LSAMP: variants seen among roughly 807,000 people sequenced by gnomAD.
The protein encoded by LSAMP is limbic system-associated membrane protein.
A neutral mutation model predicts 38.6 loss-of-function variants in LSAMP; 7 were observed. The observed-to-expected ratio is 0.18, with a 90% CI of 0.10 to 0.34. The LOEUF is 0.34. Ranked by LOEUF, LSAMP falls within the 10% of genes least tolerant of loss-of-function variation. The probability of loss-of-function intolerance (pLI) is 1.00; values close to 1 mark genes in which losing one functional copy is unlikely to be tolerated. For synonymous variants in LSAMP, 154 were observed against 166.8 expected (o/e 0.92, Z 0.59); for missense variants, 313 against 420.0 (o/e 0.75, Z 2.23).
chr3:116,225,373 G>T (rs2046331413), intron 1 of LSAMP, among the ~76,000 whole-genome samples: 3 of 152,130 alleles, frequency 2.0e-5, no homozygotes, highest in Admixed American at 2.0e-4. Context: ...AGTCGCAAGA[G>T]GAAAAGGAAG....
chr3:116,014,788 A>C (rs1940429657), intron 3 of LSAMP, among the ~76,000 whole-genome samples: 1 of 152,242 alleles, frequency 6.6e-6, no homozygotes, highest in Non-Finnish European at 1.5e-5. Context: ...TGTTACTTGC[A>C]ACAGGTACTT....
intron 3 of LSAMP, among the ~76,000 whole-genome samples, chr3:115,867,453 A>T (rs1314473547): frequency 2.0e-5 from 3 of 152,158 alleles, no homozygotes; most frequent in Non-Finnish European, 4.4e-5. Context: ...CCCTTTTGAC[A>T]GATGGCTTTA....
At chr3:116,209,239 T>C (rs899014945) in intron 1 of LSAMP, among the ~76,000 whole-genome samples, 28 of 152,330 alleles carry the variant, frequency 1.8e-4, no homozygotes, top group African/African-American at 6.7e-4. Context: ...AGTGAGGCAA[T>C]GCCTCGCCCT....
At chr3:116,009,346 A>G in intron 3 of LSAMP, among the ~76,000 whole-genome samples, 1 of 152,160 alleles carries the variant, frequency 6.6e-6, no homozygotes. Flanking sequence ...ATCAAAATCC[A>G]CATTTTAATA....
chr3:115,830,567 C>G (rs3772950), intron 6 of LSAMP, among the ~76,000 whole-genome samples: 3 of 151,946 alleles, frequency 2.0e-5, no homozygotes, highest in African/African-American at 7.3e-5. Flanking sequence ...AGGCAAAAGC[C>G]CTTTAAACTC....
rs567707853 is a variant in LSAMP at position 115,988,156 on chromosome 3, C to A, written c.514+31359G>T. Among the ~76,000 whole-genome samples the A allele has an allele frequency of 5.3e-5, 8 of 152,080 alleles. No individual in the cohort carries two copies. The East Asian group carries it at 1.5e-3, about 29-fold the overall frequency. ...AAAGGTAAACTACTCCATTGAGTAA[C>A]TTCTTTATTTCTTAATGTTTGAGAT... On this transcript the variant is annotated intron_variant, in intron 3 of 6. Coordinates refer to ENST00000490035, the MANE Select transcript of LSAMP (RefSeq NM_002338.5).
intron 1 of LSAMP, among the ~76,000 whole-genome samples, chr3:116,173,557 C>T (rs544439495): frequency 7.5e-4 from 114 of 152,028 alleles, no homozygotes; most frequent in African/African-American, 2.6e-3. Flanking sequence ...AGGGATAGGA[C>T]CATTAAAAAT....
Position 116,076,690 on chromosome 3 carries a change from G to A in LSAMP, c.388+9634C>T, listed in dbSNP as rs191491288. ...CATAAAAAATTCAATTTACCTTGGG[G>A]ATCATTATATTTTCATTTTAAACAT... On this transcript the variant is annotated intron_variant, in intron 2 of 6. Coordinates refer to ENST00000490035, the MANE Select transcript of LSAMP (RefSeq NM_002338.5). 1.5e-4 allele frequency among the ~76,000 whole-genome samples: 23 copies of A among 152,248 alleles called. No homozygotes were observed. The East Asian group carries it at 4.4e-3, about 29-fold the overall frequency.
chr3:116,444,539 T>C (rs1321948084), intron 1 of LSAMP, among the ~76,000 whole-genome samples: 1 of 151,932 alleles, frequency 6.6e-6, no homozygotes, highest in Non-Finnish European at 1.5e-5. Flanking sequence ...GCAATTACAA[T>C]AGTGAGAATA....
rs571296015 is a variant in LSAMP, at chr3:116,164,190, A to G, written c.156-77634T>C. On this transcript the variant is annotated intron_variant, in intron 1 of 6. Coordinates refer to ENST00000490035, the MANE Select transcript of LSAMP (RefSeq NM_002338.5). Reference sequence around the variant, plus strand: ...TGCTTCTTAAATTCCTGTCCTATTTATTGATTCAAAATGCAGTTAGAAAGA... The same window carrying G: ...TGCTTCTTAAATTCCTGTCCTATTTGTTGATTCAAAATGCAGTTAGAAAGA... Among the ~76,000 whole-genome samples, 278 of 152,244 alleles carry G rather than the reference A, an allele frequency of 1.8e-3. 1 individual carries two copies. The highest frequency in any genetic ancestry group is 3.0e-3 in the Non-Finnish European group (205 of 68,002).
At chr3:115,924,286 T>C (rs1937449365) in intron 3 of LSAMP, among the ~76,000 whole-genome samples, 1 of 152,192 alleles carries the variant, frequency 6.6e-6, no homozygotes, top group South Asian at 2.1e-4. Context: ...GGCCATCTAA[T>C]CTTCTTTATT....
chr3:115,987,734 A>G (rs1489019053), intron 3 of LSAMP, among the ~76,000 whole-genome samples: 2 of 152,160 alleles, frequency 1.3e-5, no homozygotes, highest in African/African-American at 4.8e-5. Context: ...GACTTATTGT[A>G]TATACTGAAT....
At chr3:116,127,208 T>A (rs1412988593) in intron 1 of LSAMP, among the ~76,000 whole-genome samples, 4 of 152,342 alleles carry the variant, frequency 2.6e-5, no homozygotes, top group African/African-American at 9.6e-5. Context: ...TATGAAGTTT[T>A]AATTAATTTG....
intron 2 of LSAMP, among the ~76,000 whole-genome samples, chr3:116,048,198 T>C (rs1162611814): frequency 6.6e-6 from 1 of 152,210 alleles, no homozygotes; most frequent in Non-Finnish European, 1.5e-5. Flanking sequence ...AGAGTATCAA[T>C]GACAGGGCTT....
rs889313288 is a variant in LSAMP, at chr3:115,834,606, GA to G, written c.919+7238del. ...TGTGGGTAAAACACGTTCTAAAGGG[GA>G]AAAAATAGTAATCATCATGGAGATT... On this transcript the variant is annotated intron_variant, in intron 6 of 6. Transcript: ENST00000490035. 5.7e-6 allele frequency: 7 copies of G among 1,225,586 alleles called. No homozygotes were observed. The African/African-American group carries it at 6.5e-5, about 11-fold the overall frequency. 75.9% of individuals were successfully genotyped at this position (1,225,586 alleles called of 1,614,324 possible). A position where few individuals can be genotyped will look rare whatever the true frequency, so the allele number is the denominator to read the frequency against.
intron 1 of LSAMP, among the ~76,000 whole-genome samples, chr3:116,390,826 T>G (rs73861671): frequency 6.6e-6 from 1 of 151,534 alleles, no homozygotes; most frequent in Non-Finnish European, 1.5e-5. Context: ...TGGGAGCCTA[T>G]GAAGTGTCAT....
At chr3:116,115,812 T>A (rs961488760) in intron 1 of LSAMP, among the ~76,000 whole-genome samples, 2 of 152,056 alleles carry the variant, frequency 1.3e-5, no homozygotes, top group Non-Finnish European at 2.9e-5. Flanking sequence ...TTCTGGTCCT[T>A]TGAGTATGAC....
At chr3:116,425,803 G>C (rs1198958953) in intron 1 of LSAMP, among the ~76,000 whole-genome samples, 1 of 151,692 alleles carries the variant, frequency 6.6e-6, no homozygotes, top group Admixed American at 6.6e-5. Flanking sequence ...AATGTTTTTT[G>C]AGAGGAGGAT....
chr3:115,907,890 T>C (rs1373051220), intron 3 of LSAMP, among the ~76,000 whole-genome samples: 3 of 152,130 alleles, frequency 2.0e-5, no homozygotes, highest in Non-Finnish European at 4.4e-5. Context: ...CTTTTTATTA[T>C]GAAGATCAAC....
Sources: gnomAD v4.1 joint callset for allele counts (sites outside exome capture counted in the v4.1 genomes callset) on GRCh38, gnomAD v4.1.1 for gene constraint, MANE v1.5 for transcripts, NCBI Gene and HGNC (gene_info 2026-07-23, HGNC 2026-07-21) for gene names.